SFI1: variants seen among roughly 807,000 people sequenced by gnomAD.
SFI1 encodes the protein protein SFI1 homolog.
In SFI1, 195 loss-of-function variants were observed where a neutral mutation model predicts 207.5. The ratio of observed to expected loss-of-function variants is 0.94; its 90% confidence interval spans 0.84 to 1.06. The LOEUF is 1.06. SFI1 is among the 50% of genes least tolerant of loss of function. The pLI, the probability that SFI1 is intolerant of heterozygous loss-of-function variation, is 0.00. For synonymous variants in SFI1, 630 were observed against 598.9 expected, an observed-to-expected ratio of 1.05 and a Z score of -0.76; for missense variants, 1,634 against 1,588.0, an observed-to-expected ratio of 1.03 and a Z score of -0.49.
chr22:31,551,483 C>G (rs1328451756), intron 6 of SFI1, among the ~76,000 whole-genome samples: 3 of 152,212 alleles, frequency 2.0e-5, no homozygotes, highest in Non-Finnish European at 4.4e-5. Context: ...TGCACTGTTT[C>G]ACTGGTAAGT....
Position 31,548,462 on chromosome 22 carries a change from C to A in SFI1, c.449+1491C>A, listed in dbSNP as rs551915783. 2.0e-4 allele frequency among the ~76,000 whole-genome samples: 30 copies of A among 151,110 alleles called. No individual in the cohort carries two copies. In the Middle Eastern group the frequency reaches 0.01, roughly 52 times the overall value. On this transcript the variant is annotated intron_variant, in intron 5 of 32. Transcript: ENST00000400288. ...TCCAGCCTGTACAACACAGAGAAACCCCATCTCAACTAAAATACAAAAAAA... is the reference window on the plus strand; with the variant it reads ...TCCAGCCTGTACAACACAGAGAAACACCATCTCAACTAAAATACAAAAAAA...
At chr22:31,531,214 T>C in intron 4 of SFI1, 85 bp downstream of exon 4, 1 of 1,099,278 alleles carries the variant, frequency 9.1e-7, no homozygotes, top group Non-Finnish European at 1.3e-6. Context: ...AACTTCATTA[T>C]GGCTTGTGCT....
chr22:31,516,707 C>T lies in SFI1; in HGVS notation c.92+8331C>T, dbSNP rs528965276. Among the ~76,000 whole-genome samples the T allele has an allele frequency of 8.5e-5, 13 of 152,074 alleles. 1 individual carries two copies. The East Asian group carries it at 9.7e-4, about 11-fold the overall frequency. ...TGGTGGTTCATGCCTGTAATCCCAG[C>T]ACTTCGGGAGGCTGAGGTGGGCGGA... On this transcript the variant is annotated intron_variant, in intron 2 of 32. Transcript: ENST00000400288.
chr22:31,528,137 T>G (rs894957355), intron 2 of SFI1, among the ~76,000 whole-genome samples: 25 of 150,056 alleles, frequency 1.7e-4, no homozygotes, highest in African/African-American at 6.1e-4. Flanking sequence ...AATAAAAAGT[T>G]AGCTGGTCAT....
At chr22:31,599,871 ATTG>A (rs2067824134) in intron 15 of SFI1, among the ~76,000 whole-genome samples, 1 of 143,526 alleles carries the variant, frequency 7.0e-6, no homozygotes, top group Admixed American at 7.1e-5. Context: ...TGATATTTTT[ATTG>A]TTGTTATTTT....
At chr22:31,529,157 CT>C (rs569064283) in intron 3 of SFI1, 60 of 299,768 alleles carry the variant, frequency 2.0e-4, no homozygotes, top group East Asian at 2.9e-4. Flanking sequence ...TTTTGCTATT[CT>C]TTTTTTCCCC....
chr22:31,554,899 T>A (rs898329889), intron 6 of SFI1, among the ~76,000 whole-genome samples: 3 of 152,184 alleles, frequency 2.0e-5, no homozygotes, highest in Admixed American at 6.6e-5. Context: ...TTTTCTGATT[T>A]TCCCTGAGAC....
At chr22:31,537,863 G>A (rs1352422419) in intron 4 of SFI1, among the ~76,000 whole-genome samples, 2 of 152,262 alleles carry the variant, frequency 1.3e-5, no homozygotes, top group East Asian at 3.9e-4. Context: ...TTTCCATACT[G>A]AGTTATTTAT....
chr22:31,538,976 G>A (rs1413018978), intron 4 of SFI1, among the ~76,000 whole-genome samples: 1 of 152,080 alleles, frequency 6.6e-6, no homozygotes, highest in Non-Finnish European at 1.5e-5. Flanking sequence ...TAGTATGCCC[G>A]AAACTGAAAT....
At chr22:31,527,039 G>A (rs1452667140) in intron 2 of SFI1, among the ~76,000 whole-genome samples, 3 of 152,122 alleles carry the variant, frequency 2.0e-5, no homozygotes, top group Non-Finnish European at 4.4e-5. Flanking sequence ...TGAGATTACA[G>A]GCACCCGCCA....
chr22:31,553,625 G>C (rs1048232841), intron 6 of SFI1, among the ~76,000 whole-genome samples: 6 of 146,786 alleles, frequency 4.1e-5, no homozygotes, highest in African/African-American at 1.5e-4. Flanking sequence ...CACCTGCCTC[G>C]GCCTCCCAAA....
intron 22 of SFI1, among the ~76,000 whole-genome samples, chr22:31,610,815 G>A (rs982718858): frequency 3.3e-5 from 5 of 152,178 alleles, no homozygotes; most frequent in South Asian, 2.1e-4. Context: ...CTTCTTCCAC[G>A]TGCCCAGCAG....
chr22:31,614,538 A>G, intron 27 of SFI1: 1 of 675,620 alleles, frequency 1.5e-6, no homozygotes, highest in Admixed American at 2.0e-5. Flanking sequence ...CGACCTGTAC[A>G]CCAGCGTCAC....
Position 31,602,778 on chromosome 22 carries a change from A to C in SFI1, c.1798A>C (p.Arg600=). The part of the protein sequence containing the change: ...CLWRESAQGL[R]TERTGRVRAA... ...CTGGAGGGAAAGTGCCCAAGGGCTC[A>C]GAACAGAGTGAGTGGCCAGTTCTGC... Residue 600 remains arginine (R), a synonymous_variant, in exon 17 of 33, where the codon AGA becomes CGA. Transcript: ENST00000400288. 6.2e-7 allele frequency: 1 copy of C among 1,613,396 alleles called. No individual in the cohort carries two copies. Among genetic ancestry groups the C allele is most frequent in the Admixed American group, 1.7e-5 (1 of 60,004 alleles).
intron 15 of SFI1, among the ~76,000 whole-genome samples, chr22:31,590,288 C>T (rs1006721916): frequency 6.6e-6 from 1 of 152,086 alleles, no homozygotes; most frequent in Non-Finnish European, 1.5e-5. Flanking sequence ...ACATAGAATC[C>T]ACCACCATGG....
chr22:31,545,877 C>CTTT (rs770151262), intron 4 of SFI1, among the ~76,000 whole-genome samples: 7 of 99,516 alleles, frequency 7.0e-5, no homozygotes, highest in East Asian at 2.9e-4. Context: ...CCGTGTCCAG[C>CTTT]TTTTTTTTTT....
At chr22:31,547,187 C>T (rs1234251061) in intron 5 of SFI1, among the ~76,000 whole-genome samples, 4 of 152,172 alleles carry the variant, frequency 2.6e-5, no homozygotes, top group African/African-American at 9.6e-5. Context: ...ACACCTCCCA[C>T]ACCTCTAATT....
At chr22:31,500,581 C>G (rs945060359) in intron 1 of SFI1, among the ~76,000 whole-genome samples, 1 of 152,072 alleles carries the variant, frequency 6.6e-6, no homozygotes, top group African/African-American at 2.4e-5. Context: ...CCTCAGCCTC[C>G]TGAGTAGCTG....
At chr22:31,575,658 T>C (rs2063402512) in intron 10 of SFI1, among the ~76,000 whole-genome samples, 1 of 152,228 alleles carries the variant, frequency 6.6e-6, no homozygotes, top group Non-Finnish European at 1.5e-5. Context: ...GCACACCTAT[T>C]TGCTCCTCCC....
Sources: allele counts gnomAD v4.1 joint callset (sites outside exome capture counted in the v4.1 genomes callset), GRCh38; gene constraint gnomAD v4.1.1; transcripts MANE v1.5; gene names NCBI Gene and HGNC (gene_info 2026-07-23, HGNC 2026-07-21).